MEFV: variants seen among roughly 807,000 people sequenced by gnomAD.
The protein encoded by MEFV is pyrin.
In MEFV, 60 loss-of-function variants were observed where a neutral mutation model predicts 62.5. The observed-to-expected ratio is 0.96, with a 90% CI of 0.78 to 1.19. MEFV has a LOEUF of 1.19. MEFV is among the 50% of genes most tolerant of loss of function. The pLI is 0.00. For synonymous variants in MEFV, 500 were observed against 415.2 expected, an observed-to-expected ratio of 1.20 and a Z score of -2.48; for missense variants, 1,169 against 1,004.5, an observed-to-expected ratio of 1.16 and a Z score of -2.21.
At chr16:3,245,164 T>A (rs1295657592) in intron 6 of MEFV, among the ~76,000 whole-genome samples, 2 of 152,140 alleles carry the variant, frequency 1.3e-5, no homozygotes, top group Non-Finnish European at 2.9e-5. Context: ...AGCACATGCC[T>A]GTAGTCCCAG....
intron 4 of MEFV, chr16:3,248,465 C>T (rs1171541514): frequency 5.0e-5 from 12 of 239,114 alleles, no homozygotes; most frequent in Non-Finnish European, 8.5e-5. Flanking sequence ...TGGCACTCAC[C>T]TATAATCCCA....
At position 3,243,390 on chromosome 16, in the gene MEFV, G is replaced by A. The variant is rs1958888612; in HGVS notation, c.2097C>T (p.Tyr699=). Residue 699 remains tyrosine, a synonymous_variant, in exon 10 of 10, where the codon TAC becomes TAT. Coordinates refer to ENST00000219596, the MANE Select transcript of MEFV (RefSeq NM_000243.3). The part of the protein sequence containing the change: ...WVVIMMKENE[Y]QASSVPPTRL... The stretch of plus-strand genomic sequence containing the variant: ...GGGTCGGGGGAACGCTGGACGCCTG[G>A]TACTCATTTTCCTTCATCATTATCA... 6.2e-7 allele frequency: 1 copy of A among 1,614,114 alleles called. No homozygotes were observed. The highest frequency in any genetic ancestry group is 8.5e-7 in the Non-Finnish European group (1 of 1,180,026).
Position 3,247,114 on chromosome 16 carries a change from C to T in MEFV, c.1489G>A (p.Ala497Thr), listed in dbSNP as rs755963263. Reference sequence around the variant, plus strand: ...TCCTGGGATACGCGGGTGTCATATGCCTTCCTGATCTGCCCAACCATCTGG... The same window carrying T: ...TCCTGGGATACGCGGGTGTCATATGTCTTCCTGATCTGCCCAACCATCTGG... ...VGQMVGQIRK[A>T]YDTRVSQDIA... Residue 497 changes from alanine (A) to threonine (T), a missense_variant, in exon 5 of 10, where the codon GCA becomes ACA. Transcript: ENST00000219596. 26 of 1,614,262 alleles carry T rather than the reference C, an allele frequency of 1.6e-5. No homozygotes were observed. The highest frequency in any genetic ancestry group is 2.1e-5 in the Non-Finnish European group (25 of 1,180,048).
rs1344970217 is a variant in MEFV at position 3,243,188 on chromosome 16, T to C, written c.2299A>G (p.Thr767Ala). Residue 767 changes from threonine (T) to alanine (A), a missense_variant, in exon 10 of 10, where the codon ACA (threonine) becomes GCA (alanine). Physicochemically the swap from Thr to Ala is moderately conservative, Grantham distance 58 (BLOSUM62 0). Transcript: ENST00000219596. ...ACTGGACAGATAGTCAGAGGAGCTG[T>C]GTTCTTCCCTCCATCACGTGTCCCA... ...SPGTRDGGKN[T>A]APLTICPVGG... 6.2e-7 allele frequency: 1 copy of C among 1,614,052 alleles called. No individual in the cohort carries two copies. The highest frequency in any genetic ancestry group is 1.1e-5 in the South Asian group (1 of 91,078).
chr16:3,244,627 G>A (rs761979752), intron 6 of MEFV, 39 bp from the exon 7 acceptor site: 17 of 1,525,654 alleles, frequency 1.1e-5, no homozygotes, highest in Non-Finnish European at 1.4e-5. Context: ...AGGCCGGAGC[G>A]AGGGGGTGGC....
In MEFV at chr16:3,247,104, G is replaced by A; in HGVS notation, c.1499C>T (p.Thr500Ile). Residue 500 changes from threonine to isoleucine, a missense_variant, in exon 5 of 10, where the codon ACC becomes ATC. Transcript: ENST00000219596. ...MVGQIRKAYD[T>I]RVSQDIALLD... Reference sequence around the variant, plus strand: ...CAGGGCGATGTCCTGGGATACGCGGGTGTCATATGCCTTCCTGATCTGCCC... The same window carrying A: ...CAGGGCGATGTCCTGGGATACGCGGATGTCATATGCCTTCCTGATCTGCCC... The A allele has an allele frequency of 6.2e-7, 1 of 1,614,182 alleles. No homozygotes were observed. Among genetic ancestry groups the A allele is most frequent in the Non-Finnish European group, 8.5e-7 (1 of 1,180,036 alleles).
chr16:3,254,552 C>A lies in MEFV; in HGVS notation c.516G>T (p.Gln172His), dbSNP rs1487264767. Residue 172 changes from glutamine to histidine, a missense_variant, in exon 2 of 10, where the codon CAG becomes CAT. Physicochemically the swap from Gln to His is conservative, Grantham distance 24. Transcript: ENST00000219596. ...REKASEGLDA[Q>H]GKPRTRSPAL... ...CCGGGCTCCGGGTCCGAGGCTTGCC[C>A]TGCGCGTCCAGGCCCTCCGAGGCCT... 2.6e-6 allele frequency: 4 copies of A among 1,559,340 alleles called. No individual in the cohort carries two copies. The highest frequency in any genetic ancestry group is 3.5e-6 in the Non-Finnish European group (4 of 1,156,098).
In MEFV at chr16:3,256,540, C is replaced by A; in HGVS notation, c.48G>T (p.Leu16=). ...SDHLLSTLEE[L]VPYDFEKFKF... ...TGAACTTCTCGAAGTCATAGGGCACCAGCTCCTCCAGGGTGGACAGCAGAT... is the reference window on the plus strand; with the variant it reads ...TGAACTTCTCGAAGTCATAGGGCACAAGCTCCTCCAGGGTGGACAGCAGAT... Residue 16 remains leucine, a synonymous_variant, in exon 1 of 10, where the codon CTG becomes CTT. Coordinates refer to ENST00000219596, the MANE Select transcript of MEFV (RefSeq NM_000243.3). The A allele has an allele frequency of 6.2e-7, 1 of 1,614,202 alleles. No homozygotes were observed.
rs11466026 is a variant in MEFV at position 3,248,947 on chromosome 16, G to A, written c.1318C>T (p.Gln440Ter). Residue 440 changes from glutamine to a stop codon, truncating the protein, a stop_gained, in exon 4 of 10, where the codon CAG becomes TAG. Coordinates refer to ENST00000219596, the MANE Select transcript of MEFV (RefSeq NM_000243.3). LOFTEE classifies it high-confidence loss of function. ...LKKLRKSGEEQRSYGEEKAVS... is the reference protein window; with the variant it reads ...LKKLRKSGEE ...GCCTTCTCCTCCCCATAGGATCGCT[G>A]CTCCTCCCCTGATTTTCTCAGCTTC... 9 of 1,614,078 alleles carry A rather than the reference G, an allele frequency of 5.6e-6. No individual in the cohort carries two copies. The highest frequency in any genetic ancestry group is 2.2e-5 in the South Asian group (2 of 91,090).
chr16:3,242,245 TC>T lies in MEFV; in HGVS notation c.*895del. On this transcript the variant is annotated 3_prime_UTR_variant, in exon 10 of 10. Transcript: ENST00000219596. ...CGGGCATGGTGGCGGGCGCCTGTAA[TC>T]CCAGCTACTTCGGAGGCTGAGGCAG... 4.7e-6 allele frequency: 1 copy of T among 212,840 alleles called. No homozygotes were observed. Among genetic ancestry groups the T allele is most frequent in the Non-Finnish European group, 1.0e-5 (1 of 100,304 alleles). The allele number at this position is 212,840 out of a possible 1,614,324, so 13.2% of individuals were successfully genotyped here. A position where few individuals can be genotyped will look rare whatever the true frequency, so the allele number is the denominator to read the frequency against.
Position 3,243,406 on chromosome 16 carries a change from A to C in MEFV, c.2081T>G (p.Met694Arg). 6.2e-7 allele frequency: 1 copy of C among 1,614,022 alleles called. No individual in the cohort carries two copies. Among genetic ancestry groups the C allele is most frequent in the Non-Finnish European group, 8.5e-7 (1 of 1,179,984 alleles). The part of the protein sequence containing the change: ...PENGYWVVIM[M>R]KENEYQASSV... ...GGACGCCTGGTACTCATTTTCCTTC[A>C]TCATTATCACCACCCAGTAGCCATT... Residue 694 changes from methionine to arginine, a missense_variant, in exon 10 of 10, where the codon ATG becomes AGG. By Grantham distance (91) the Met-to-Arg change is moderately conservative. Transcript: ENST00000219596.
Position 3,247,024 on chromosome 16 carries a change from G to C in MEFV, c.1579C>G (p.Leu527Val), listed in dbSNP as rs754546504. 6.2e-7 allele frequency: 1 copy of C among 1,614,172 alleles called. No homozygotes were observed. The highest frequency in any genetic ancestry group is 8.5e-7 in the Non-Finnish European group (1 of 1,180,010). The part of the protein sequence containing the change: ...EAKECQSEWE[L>V]LQDIGDILHR... ...GGCCCAGGCACACCCACCTGCAGAA[G>C]TTCCCATTCTGACTGGCACTCCTTG... The change falls in exon 5 of 10, where the codon CTT (leucine) becomes GTT (valine). Residue 527 changes from leucine to valine, a missense_variant. By Grantham distance (32) the Leu-to-Val change is conservative. Coordinates refer to ENST00000219596, the MANE Select transcript of MEFV (RefSeq NM_000243.3).
At position 3,243,054 on chromosome 16, in the gene MEFV, C is replaced by G; in HGVS notation, c.*87G>C. On this transcript the variant is annotated 3_prime_UTR_variant, in exon 10 of 10. Transcript: ENST00000219596. The stretch of plus-strand genomic sequence containing the variant: ...GTTATTTTTGCATTTCCCATAGCAG[C>G]TAGCACCTAGTCGGCATTCCGTGAC... The G allele has an allele frequency of 2.7e-6, 4 of 1,458,484 alleles. No homozygotes were observed. Among genetic ancestry groups the G allele is most frequent in the Non-Finnish European group, 3.8e-6 (4 of 1,043,220 alleles). The allele number at this position is 1,458,484 out of a possible 1,614,324, so 90.3% of individuals were successfully genotyped here.
At position 3,246,545 on chromosome 16, in the gene MEFV, G is replaced by A. The variant is rs1958945420; in HGVS notation, c.1590C>T (p.Asp530=). The A allele has an allele frequency of 2.5e-6, 4 of 1,613,976 alleles. No homozygotes were observed. Among genetic ancestry groups the A allele is most frequent in the Non-Finnish European group, 3.4e-6 (4 of 1,180,018 alleles). ...ECQSEWELLQ[D]IGDILHRAKT... ...TGTACCTGTGCAAGATGTCTCCAATGTCCTAGGAGAAAAAAGAAGGAAACT... is the reference window on the plus strand; with the variant it reads ...TGTACCTGTGCAAGATGTCTCCAATATCCTAGGAGAAAAAAGAAGGAAACT... The change falls in exon 6 of 10, where the codon GAC becomes GAT. Residue 530 remains aspartate, a splice_region_variant and synonymous_variant. Transcript: ENST00000219596.
At chr16:3,248,606 G>A (rs1363660223) in intron 4 of MEFV, 7 of 609,968 alleles carry the variant, frequency 1.1e-5, no homozygotes, top group South Asian at 4.3e-5. Context: ...AGAAAGTGGC[G>A]TTCTCCTCCC....
At position 3,242,902 on chromosome 16, in the gene MEFV, C is replaced by T. The variant is rs1195863455; in HGVS notation, c.*239G>A. 1.4e-4 allele frequency: 77 copies of T among 557,500 alleles called. No homozygotes were observed. The highest frequency in any genetic ancestry group is 4.2e-5 in the Non-Finnish European group (13 of 308,830). The allele number at this position is 557,500 out of a possible 1,614,324, so 34.5% of individuals were successfully genotyped here. On this transcript the variant is annotated 3_prime_UTR_variant, in exon 10 of 10. Coordinates refer to ENST00000219596, the MANE Select transcript of MEFV (RefSeq NM_000243.3). The stretch of plus-strand genomic sequence containing the variant: ...CCAGGGGCGGATTATGCAACGACTC[C>T]GTACTTCCTCCTCTGAAATCCATGG...
Position 3,249,478 on chromosome 16 carries a change from G to C in MEFV, c.1213C>G (p.Gln405Glu), listed in dbSNP as rs1346435261. 1.2e-6 allele frequency: 2 copies of C among 1,614,146 alleles called. No homozygotes were observed. Among genetic ancestry groups the C allele is most frequent in the East Asian group, 4.5e-5 (2 of 44,886 alleles). The change falls in exon 3 of 10, where the codon CAA becomes GAA. Residue 405 changes from glutamine to glutamate, a missense_variant. Gln to Glu is a conservative substitution (Grantham distance 29). Transcript: ENST00000219596. ...TCAATGGGGCGCACCCGGTGGCCTT[G>C]GTGCTCCTGACTCAGACTGCAGATG... is the stretch of plus-strand genomic sequence containing the variant. ...CLICSLSQEH[Q>E]GHRVRPIEEV...
In MEFV at chr16:3,247,387, G is replaced by A. The variant is rs899252431; in HGVS notation, c.1357-141C>T. ...TCTTCAAGGCCTAGATTCCAGAGCA[G>A]GAGGCGATATTGTCTGGAACCTTCC... is the stretch of plus-strand genomic sequence containing the variant. On this transcript the variant is annotated intron_variant, in intron 4 of 9. Transcript: ENST00000219596. 4.5e-6 allele frequency: 3 copies of A among 669,808 alleles called. No homozygotes were observed. In the Middle Eastern group the frequency reaches 1.1e-3, roughly 255 times the overall value. The allele number at this position is 669,808 out of a possible 1,614,324, so 41.5% of individuals were successfully genotyped here.
chr16:3,249,635 G>T lies in MEFV; in HGVS notation c.1056C>A (p.Cys352Ter), dbSNP rs104895164. 3 of 1,613,900 alleles carry T rather than the reference G, an allele frequency of 1.9e-6. No individual in the cohort carries two copies. In the South Asian group the frequency reaches 3.3e-5, roughly 18 times the overall value. The change falls in exon 3 of 10, where the codon TGC becomes TGA. Residue 352 changes from cysteine to a stop codon, truncating the protein, a stop_gained. Transcript: ENST00000219596. LOFTEE classifies it high-confidence loss of function. ...PQASGSRSPG[C>*]PRCQDSHERK... ...TTTCATGGGAGTCCTGGCACCGGGG[G>T]CAGCCAGGTGAGCGGCTGCCTGAGG...
Sources: allele counts gnomAD v4.1 joint callset (sites outside exome capture counted in the v4.1 genomes callset), GRCh38; gene constraint gnomAD v4.1.1; transcripts MANE v1.5; gene names NCBI Gene and HGNC (gene_info 2026-07-23, HGNC 2026-07-21).